The following RBM42 variants were observed in gnomAD, a reference collection of about 807,000 sequenced individuals.
RBM42 encodes RNA-binding protein 42.
RBM42 carries 21 observed loss-of-function variants against 41.4 expected under a neutral mutation model. The ratio of observed to expected loss-of-function variants is 0.51; its 90% CI spans 0.36 to 0.73. The LOEUF (loss-of-function observed/expected upper bound fraction) is 0.73, where lower values mean the gene tolerates loss of function less well. Ranked by LOEUF, RBM42 falls within the 30% of genes least tolerant of loss-of-function variation. The pLI is 0.00. For missense variants in RBM42, 539 were observed against 680.4 expected (o/e 0.79, Z 2.31); for synonymous variants, 272 against 271.2 (o/e 1.00, Z -0.03).
In RBM42 at chr19:35,629,333, G is replaced by A. The variant is rs1967364032; in HGVS notation, c.128+52G>A. The stretch of plus-strand genomic sequence containing the variant: ...AAGTCGTCCCAGAGCCAGAGCCACC[G>A]AATCTCGGAGCCTCCAGGCCTCGAT... On this transcript the variant is annotated intron_variant, in intron 1 of 9. Transcript: ENST00000262633. 4.0e-6 allele frequency: 6 copies of A among 1,487,960 alleles called. No individual in the cohort carries two copies. In the South Asian group the frequency reaches 6.4e-5, roughly 16 times the overall value. The allele number at this position is 1,487,960 out of a possible 1,614,324, so 92.2% of individuals were successfully genotyped here.
At position 35,637,633 on chromosome 19, in the gene RBM42, TC is replaced by T; in HGVS notation, c.*81del. The T allele has an allele frequency of 9.1e-7, 1 of 1,097,038 alleles. No individual in the cohort carries two copies. The highest frequency in any genetic ancestry group is 1.3e-6 in the Non-Finnish European group (1 of 746,432). 68.0% of individuals were successfully genotyped at this position (1,097,038 alleles called of 1,614,324 possible). On this transcript the variant is annotated 3_prime_UTR_variant, in exon 10 of 10. Transcript: ENST00000262633. This position sits in a 1 kb window ranked among gnomAD's most constrained non-coding sequence, Gnocchi z 7.0. ...GTTCTCTTTGGAAAACCCCCAGCTG[TC>T]CACCCATCCCCTGCCCCAAAACCAG...
intron 4 of RBM42, among the ~76,000 whole-genome samples, chr19:35,632,577 AGCACTGATCCCACT>A (rs1967423989): frequency 6.6e-6 from 1 of 151,876 alleles, no homozygotes; most frequent in African/African-American, 2.4e-5. Flanking sequence ...CCCCTCTCTT[AGCACTGATCCCACT>A]GCCTGGGCTT....
intron 1 of RBM42, 96 bp downstream of exon 1, chr19:35,629,377 T>C: frequency 6.6e-7 from 1 of 1,514,012 alleles, no homozygotes; most frequent in Non-Finnish European, 8.8e-7. Context: ...GATACGGCTC[T>C]AACATGGGGA....
rs1298305389 is a variant in RBM42 at position 35,633,069 on chromosome 19, C to G, written c.509-8C>G. ...AGGCCCTGGAACTCCCCACTAACAC[C>G]CTGACAGATTCCGCTCTCTCCTCTG... On this transcript the variant is annotated splice_region_variant and splice_polypyrimidine_tract_variant and intron_variant, in intron 5 of 9. Coordinates refer to ENST00000262633, the MANE Select transcript of RBM42 (RefSeq NM_024321.5). The G allele has an allele frequency of 7.4e-6, 12 of 1,611,972 alleles. No individual in the cohort carries two copies. The highest frequency in any genetic ancestry group is 1.0e-5 in the Non-Finnish European group (12 of 1,178,236).
chr19:35,629,790 T>G (rs1967373480), intron 2 of RBM42, 117 bp downstream of exon 2: 2 of 1,078,260 alleles, frequency 1.9e-6, no homozygotes, highest in Middle Eastern at 2.2e-4. Flanking sequence ...TGACAAATAT[T>G]TTATATGCCA....
intron 8 of RBM42, among the ~76,000 whole-genome samples, chr19:35,635,131 A>G (rs1352162255): frequency 6.6e-6 from 1 of 151,712 alleles, no homozygotes; most frequent in Non-Finnish European, 1.5e-5. Context: ...CCTGGCCAAC[A>G]TGGTGAAATC....
At position 35,629,600 on chromosome 19, in the gene RBM42, C is replaced by T; in HGVS notation, c.209C>T (p.Pro70Leu). 8 of 1,614,230 alleles carry T rather than the reference C, an allele frequency of 5.0e-6. No individual in the cohort carries two copies. The highest frequency in any genetic ancestry group is 6.8e-6 in the Non-Finnish European group (8 of 1,180,030). The change falls in exon 2 of 10, where the codon CCC becomes CTC. Residue 70 changes from proline to leucine, a missense_variant. By Grantham distance (98) the Pro-to-Leu change is moderately conservative. Around this residue, in one of 2 missense-constraint regions of RBM42, gnomAD observed 429 missense variants for 488.9 expected, o/e 0.88. Transcript: ENST00000262633. ...VPAVPTVPTV[P>L]TVEAMQVPAA... ...GCGGTGCCCACTGTCCCCACGGTCC[C>T]CACAGTAGAAGCGATGCAGGTCCCA... is the stretch of plus-strand genomic sequence containing the variant.
rs1967446940 is a variant in RBM42, at chr19:35,633,760, T to A, written c.758T>A (p.Val253Glu). The part of the protein sequence containing the change: ...LGLKEKEEAV[V>E]AAAAGLEEAS... ...CTGAAAGAGAAGGAAGAGGCAGTGG[T>A]GGCGGCGGCGGCTGGGCTGGAGGAG... The change falls in exon 7 of 10, where the codon GTG becomes GAG. Residue 253 changes from valine to glutamate, a missense_variant. By Grantham distance (121) the Val-to-Glu change is moderately radical. Around this residue, in one of 2 missense-constraint regions of RBM42, gnomAD observed 429 missense variants for 488.9 expected, o/e 0.88. Transcript: ENST00000262633. 1 of 1,496,198 alleles carries A rather than the reference T, an allele frequency of 6.7e-7. No homozygotes were observed. Among genetic ancestry groups the A allele is most frequent in the Non-Finnish European group, 8.9e-7 (1 of 1,129,222 alleles). 92.7% of individuals were successfully genotyped at this position (1,496,198 alleles called of 1,614,324 possible). A position where few individuals can be genotyped will look rare whatever the true frequency, so the allele number is the denominator to read the frequency against.
At chr19:35,629,701 A>G (rs1445073104) in intron 2 of RBM42, 28 bp downstream of exon 2, 8 of 1,612,162 alleles carry the variant, frequency 5.0e-6, no homozygotes, top group Non-Finnish European at 6.8e-6. Context: ...CATGTAAGTC[A>G]GGGAACACAA....
Position 35,629,505 on chromosome 19 carries a change from G to C in RBM42, c.129-15G>C, listed in dbSNP as rs1332098780. ...TACGAGGTCCTGAGCGCTGATGTCT[G>C]TTCTACTCCTCCAGGTTTGAGCAGG... On this transcript the variant is annotated splice_polypyrimidine_tract_variant and intron_variant, in intron 1 of 9. Transcript: ENST00000262633. The C allele has an allele frequency of 4.3e-6, 7 of 1,614,046 alleles. No homozygotes were observed. Among genetic ancestry groups the C allele is most frequent in the Non-Finnish European group, 5.9e-6 (7 of 1,179,948 alleles).
In RBM42 at chr19:35,631,244, G is replaced by T. The variant is rs763964899; in HGVS notation, c.367+20G>T. On this transcript the variant is annotated intron_variant, in intron 3 of 9. Transcript: ENST00000262633. ...GCCCTGGTAAGTAAAGAGTAGCAAG[G>T]TGAGGGGGTTGGGCAATCAGGCAGG... 50 of 1,613,452 alleles carry T rather than the reference G, an allele frequency of 3.1e-5. 1 individual carries two copies. Among genetic ancestry groups the T allele is most frequent in the Admixed American group, 8.3e-5 (5 of 59,994 alleles).
intron 2 of RBM42, 67 bp downstream of exon 2, chr19:35,629,740 C>T: frequency 6.5e-7 from 1 of 1,542,748 alleles, no homozygotes; most frequent in African/African-American, 1.4e-5. Context: ...TGTTTGTGTA[C>T]AGAGAGCTGT....
In RBM42 at chr19:35,629,612, C is replaced by G; in HGVS notation, c.221C>G (p.Ala74Gly). 6.2e-7 allele frequency: 1 copy of G among 1,614,204 alleles called. No individual in the cohort carries two copies. Among genetic ancestry groups the G allele is most frequent in the Non-Finnish European group, 8.5e-7 (1 of 1,180,036 alleles). The change falls in exon 2 of 10, where the codon GCG (alanine) becomes GGG (glycine). Residue 74 changes from alanine (A) to glycine (G), a missense_variant. Ala to Gly is a moderately conservative substitution (Grantham distance 60, BLOSUM62 0). This residue lies in a region of RBM42 where 429 missense variants were observed against 488.9 expected (regional missense o/e 0.88). Transcript: ENST00000262633. ...GTCCCCACGGTCCCCACAGTAGAAG[C>G]GATGCAGGTCCCAGCGGCTCCTGTG... ...PTVPTVPTVE[A>G]MQVPAAPVIR...
Position 35,633,964 on chromosome 19 carries a change from G to T in RBM42, c.962G>T (p.Arg321Leu). The T allele has an allele frequency of 6.4e-7, 1 of 1,557,706 alleles. No individual in the cohort carries two copies. Residue 321 changes from arginine (R) to leucine (L), a missense_variant, in exon 7 of 10, where the codon CGT (arginine) becomes CTT (leucine). Physicochemically the swap from Arg to Leu is moderately radical, Grantham distance 102. This residue lies in a region of RBM42 where 429 missense variants were observed against 488.9 expected (regional missense o/e 0.88). Coordinates refer to ENST00000262633, the MANE Select transcript of RBM42 (RefSeq NM_024321.5). ...PLRIPELLSL[R>L]PRPRPPRPEP... ...CGCATTCCTGAACTCCTGTCCCTGC[G>T]TCCTCGGCCCCGGCCCCCTCGGCCA... is the stretch of plus-strand genomic sequence containing the variant.
intron 4 of RBM42, 25 bp from the exon 5 acceptor site, chr19:35,632,911 A>G (rs536882197): frequency 4.6e-6 from 5 of 1,083,190 alleles, no homozygotes; most frequent in East Asian, 2.4e-5. Flanking sequence ...CCCATGACAC[A>G]CACCCCCATC....
chr19:35,634,886 A>G (rs1355745946), intron 8 of RBM42, among the ~76,000 whole-genome samples: 1 of 152,074 alleles, frequency 6.6e-6, no homozygotes, highest in Non-Finnish European at 1.5e-5. Flanking sequence ...TAGATTCTGC[A>G]ATTAACATTT....
rs1967397392 is a variant in RBM42 at position 35,631,128 on chromosome 19, C to G, written c.283-12C>G. On this transcript the variant is annotated splice_polypyrimidine_tract_variant and intron_variant, in intron 2 of 9. Transcript: ENST00000262633. The stretch of plus-strand genomic sequence containing the variant: ...TGAGTCAGGCCCCTCACCCTGACCT[C>G]TTCCTCGACAGGTCCAGCAGACTCT... 1 of 1,613,336 alleles carries G rather than the reference C, an allele frequency of 6.2e-7. No homozygotes were observed. The highest frequency in any genetic ancestry group is 1.3e-5 in the African/African-American group (1 of 74,902).
At position 35,637,176 on chromosome 19, in the gene RBM42, G is replaced by A. The variant is rs1967512358; in HGVS notation, c.1154G>A (p.Cys385Tyr). ...TCCCCAGATGACTTCCGGATCTTCT[G>A]TGGGGATCTGGGCAATGAGGTGAAC... ...EWDADDFRIF[C>Y]GDLGNEVNDD... The change falls in exon 9 of 10, where the codon TGT (cysteine) becomes TAT (tyrosine). Residue 385 changes from cysteine (C) to tyrosine (Y), a missense_variant. Coordinates refer to ENST00000262633, the MANE Select transcript of RBM42 (RefSeq NM_024321.5). The surrounding 1 kb of genome is among the most constrained non-coding windows in gnomAD (Gnocchi z 7.0). 1.2e-6 allele frequency: 2 copies of A among 1,613,810 alleles called. No individual in the cohort carries two copies. The highest frequency in any genetic ancestry group is 2.2e-5 in the East Asian group (1 of 44,878).
rs200049886 is a variant in RBM42, at chr19:35,637,506, C to T, written c.1395C>T (p.Asp465=). The part of the protein sequence containing the change: ...RKSMWKDRNL[D]VVRKKQKEKK... ...GCATGTGGAAGGACCGGAATCTGGA[C>T]GTGGTCCGCAAGAAGCAGAAGGAAA... is the stretch of plus-strand genomic sequence containing the variant. Residue 465 remains aspartate (D), a synonymous_variant, in exon 10 of 10, where the codon GAC becomes GAT. Coordinates refer to ENST00000262633, the MANE Select transcript of RBM42 (RefSeq NM_024321.5). This position sits in a 1 kb window ranked among gnomAD's most constrained non-coding sequence, Gnocchi z 7.0. 1.5e-5 allele frequency: 24 copies of T among 1,614,228 alleles called. No homozygotes were observed. The Admixed American group carries it at 1.8e-4, about 12-fold the overall frequency.
Sources: allele counts gnomAD v4.1 joint callset (sites outside exome capture counted in the v4.1 genomes callset), GRCh38; gene constraint gnomAD v4.1.1; regional missense constraint gnomAD v4.1.1; non-coding constraint Gnocchi (gnomAD v3.1); transcripts MANE v1.5; gene names NCBI Gene and HGNC (gene_info 2026-07-23, HGNC 2026-07-21).